SEMA3E: variants seen among roughly 807,000 people sequenced by gnomAD.
SEMA3E encodes the protein semaphorin 3E.
A neutral mutation model predicts 93.6 loss-of-function variants in SEMA3E; 49 were observed. The ratio of observed to expected loss-of-function variants is 0.52; its 90% CI spans 0.42 to 0.66. The LOEUF (loss-of-function observed/expected upper bound fraction) is 0.66. SEMA3E is among the 30% of genes least tolerant of loss of function. The pLI is 0.00. For missense variants in SEMA3E, 906 were observed against 964.8 expected (o/e 0.94, Z 0.81); for synonymous variants, 363 against 330.7 (o/e 1.10, Z -1.06).
At chr7:83,424,927 G>A in intron 4 of SEMA3E, 1 of 274,104 alleles carries the variant, frequency 3.6e-6, no homozygotes. Context: ...TCTACCATGT[G>A]TGGGAGGGTA....
intron 2 of SEMA3E, among the ~76,000 whole-genome samples, chr7:83,480,093 T>G (rs1790115067): frequency 6.6e-6 from 1 of 152,234 alleles, no homozygotes; most frequent in African/African-American, 2.4e-5. Context: ...ATTTTATTTT[T>G]GGTTAATACT....
chr7:83,438,210 A>G (rs1562782763), intron 4 of SEMA3E, among the ~76,000 whole-genome samples: 1 of 152,108 alleles, frequency 6.6e-6, no homozygotes, highest in Non-Finnish European at 1.5e-5. Flanking sequence ...ATTTAATGTG[A>G]TAGAAAATTC....
intron 12 of SEMA3E, among the ~76,000 whole-genome samples, chr7:83,396,033 A>C (rs2115597192): frequency 7.6e-6 from 1 of 132,374 alleles, no homozygotes; most frequent in East Asian, 2.3e-4. Context: ...TGCAAATGAT[A>C]CGACTTGATG....
At chr7:83,520,520 G>A (rs1187436092) in intron 1 of SEMA3E, among the ~76,000 whole-genome samples, 1 of 152,056 alleles carries the variant, frequency 6.6e-6, no homozygotes, top group Non-Finnish European at 1.5e-5. Context: ...GAGAAGTGCT[G>A]GTAGAGAAGA....
At chr7:83,476,411 C>G (rs2115921022) in intron 2 of SEMA3E, among the ~76,000 whole-genome samples, 1 of 152,272 alleles carries the variant, frequency 6.6e-6, no homozygotes, top group African/African-American at 2.4e-5. Context: ...TTTAACAGAT[C>G]ACTCTTGAGT....
chr7:83,576,306 G>A (rs891156971), intron 1 of SEMA3E, among the ~76,000 whole-genome samples: 2 of 152,034 alleles, frequency 1.3e-5, no homozygotes, highest in African/African-American at 4.8e-5. Context: ...CCTTTTATTG[G>A]AAAATTTCAA....
chr7:83,545,180 G>A (rs1791618904), intron 1 of SEMA3E, among the ~76,000 whole-genome samples: 1 of 152,074 alleles, frequency 6.6e-6, no homozygotes, highest in Admixed American at 6.6e-5. Context: ...TTCAGTGCTA[G>A]GAATGTTTAG....
chr7:83,415,641 A>C (rs2713151), intron 5 of SEMA3E, among the ~76,000 whole-genome samples: 81,174 of 151,888 alleles, frequency 0.53, 23,502 homozygotes, highest in East Asian at 0.85. Flanking sequence ...CTTCGTATGA[A>C]CTTAAGTCAA....
chr7:83,386,966 G>A lies in SEMA3E; in HGVS notation c.1735+17C>T. 3 of 1,610,426 alleles carry A rather than the reference G, an allele frequency of 1.9e-6. No homozygotes were observed. In the African/African-American group the frequency reaches 4.0e-5, roughly 21 times the overall value. On this transcript the variant is annotated intron_variant, in intron 15 of 16. Transcript: ENST00000643230. ...ATTCTCTGAGTAACCCAGAACAACT[G>A]ATTTTCTATGGATTACCAACAAACT...
chr7:83,369,443 G>A (rs1448827970), intron 16 of SEMA3E, among the ~76,000 whole-genome samples: 3 of 152,132 alleles, frequency 2.0e-5, no homozygotes, highest in East Asian at 3.9e-4. Flanking sequence ...AAGAAATAGG[G>A]ATGTTATTTT....
At chr7:83,639,451 A>C (rs2115705003) in intron 1 of SEMA3E, among the ~76,000 whole-genome samples, 1 of 152,114 alleles carries the variant, frequency 6.6e-6, no homozygotes, top group Non-Finnish European at 1.5e-5. Context: ...AACTAAATAT[A>C]TATACATTTC....
chr7:83,477,326 C>T (rs1562799439), intron 2 of SEMA3E, among the ~76,000 whole-genome samples: 1 of 151,904 alleles, frequency 6.6e-6, no homozygotes, highest in Non-Finnish European at 1.5e-5. Flanking sequence ...TTGGGGTTTT[C>T]TTTCTGTATT....
chr7:83,642,634 C>T (rs781544918), intron 1 of SEMA3E, among the ~76,000 whole-genome samples: 16 of 151,980 alleles, frequency 1.1e-4, no homozygotes, highest in East Asian at 3.9e-4. Flanking sequence ...CTTATGCCTC[C>T]AATGTTATTT....
chr7:83,492,164 C>A (rs1198909677), intron 1 of SEMA3E, among the ~76,000 whole-genome samples: 2 of 151,946 alleles, frequency 1.3e-5, no homozygotes, highest in African/African-American at 4.8e-5. Flanking sequence ...GGTTCCTAGA[C>A]TACAGAGCTA....
intron 1 of SEMA3E, among the ~76,000 whole-genome samples, chr7:83,618,751 A>G (rs1025808345): frequency 5.3e-5 from 8 of 152,010 alleles, no homozygotes; most frequent in African/African-American, 1.7e-4. Flanking sequence ...AACATAATTC[A>G]TATGCTGCTG....
At chr7:83,581,861 A>C (rs1311741101) in intron 1 of SEMA3E, among the ~76,000 whole-genome samples, 6 of 152,038 alleles carry the variant, frequency 3.9e-5, no homozygotes, top group African/African-American at 1.4e-4. Flanking sequence ...CTGCCAATCA[A>C]GGATAATGGT....
rs1562773487 is a variant in SEMA3E at position 83,418,459 on chromosome 7, G to A, written c.481C>T (p.Pro161Ser). 2.5e-6 allele frequency: 4 copies of A among 1,611,130 alleles called. No homozygotes were observed. Among genetic ancestry groups the A allele is most frequent in the Non-Finnish European group, 3.4e-6 (4 of 1,178,560 alleles). ...LEDPLFHLES[P>S]RSERGRGRCP... is the part of the protein sequence containing the mutation. ...CTGCCCCTTCCTCTCTCAGATCTGG[G>A]TGATTCCAGGTGAAACAGAGGATCC... The change falls in exon 5 of 17, where the codon CCC becomes TCC. Residue 161 changes from proline (P) to serine (S), a missense_variant. Coordinates refer to ENST00000643230, the MANE Select transcript of SEMA3E (RefSeq NM_012431.3).
intron 1 of SEMA3E, among the ~76,000 whole-genome samples, chr7:83,640,762 A>C (rs2115709549): frequency 6.6e-6 from 1 of 152,306 alleles, no homozygotes; most frequent in African/African-American, 2.4e-5. Flanking sequence ...GTGAGGAAGA[A>C]ATCAAAAGTA....
intron 2 of SEMA3E, among the ~76,000 whole-genome samples, chr7:83,479,778 A>G (rs558422156): frequency 1.6e-4 from 25 of 152,218 alleles, no homozygotes; most frequent in Non-Finnish European, 3.2e-4. Context: ...CAATGTGGCT[A>G]TAGAATCCGT....
Sources: allele counts gnomAD v4.1 joint callset (sites outside exome capture counted in the v4.1 genomes callset), GRCh38; gene constraint gnomAD v4.1.1; transcripts MANE v1.5; gene names NCBI Gene and HGNC (gene_info 2026-07-23, HGNC 2026-07-21).